The following HPSE variants were observed in gnomAD, a reference collection of about 807,000 sequenced individuals.
HPSE encodes heparanase.
Under a neutral mutation model 65.1 loss-of-function variants are expected in HPSE, and 48 were observed. The observed-to-expected ratio is 0.74, with a 90% CI of 0.58 to 0.94. The LOEUF (loss-of-function observed/expected upper bound fraction) is 0.94, where lower values mean the gene tolerates loss of function less well. HPSE is among the 40% of genes least tolerant of loss of function. HPSE has a pLI of 0.00. For missense variants in HPSE, 644 were observed against 637.5 expected (o/e 1.01, Z -0.11); for synonymous variants, 243 against 260.0 (o/e 0.93, Z 0.63).
At chr4:83,317,237 C>G (rs972101171) in intron 3 of HPSE, among the ~76,000 whole-genome samples, 2 of 152,176 alleles carry the variant, frequency 1.3e-5, no homozygotes, top group African/African-American at 4.8e-5. Context: ...ACTAGCTAAG[C>G]AATGAACATG....
chr4:83,320,534 C>A (rs1736849663), intron 2 of HPSE, among the ~76,000 whole-genome samples: 1 of 151,790 alleles, frequency 6.6e-6, no homozygotes, highest in Non-Finnish European at 1.5e-5. Flanking sequence ...CCATTGCACT[C>A]CAGCCTGGGC....
At chr4:83,324,113 C>CTTTTTTTTTTTTTTTTTTT (rs398051210) in intron 1 of HPSE, among the ~76,000 whole-genome samples, 4 of 74,744 alleles carry the variant, frequency 5.4e-5, no homozygotes, top group Admixed American at 2.0e-4. Flanking sequence ...TCTTCTTCTT[C>CTTTTTTTTTTTTTTTTTTT]TTTTTTTTTT....
chr4:83,334,911 C>A (rs972728273), upstream of HPSE: 11 of 1,384,436 alleles, frequency 7.9e-6, no homozygotes, highest in Non-Finnish European at 1.0e-5. Flanking sequence ...CTCCTCACCC[C>A]TCCCACTGCG....
chr4:83,335,083 G>T, upstream of HPSE: 1 of 342,610 alleles, frequency 2.9e-6, no homozygotes, highest in Non-Finnish European at 5.1e-6. Context: ...GTGCGGAGAT[G>T]GCCGGGATCC....
At chr4:83,323,502 AAAAC>A (rs1467765294) in intron 1 of HPSE, among the ~76,000 whole-genome samples, 1 of 35,678 alleles carries the variant, frequency 2.8e-5, no homozygotes, top group Non-Finnish European at 6.1e-5. Flanking sequence ...AAGTCTATTT[AAAAC>A]ACACACACAC....
intron 1 of HPSE, among the ~76,000 whole-genome samples, chr4:83,322,770 A>G (rs2126195090): frequency 6.7e-6 from 1 of 149,348 alleles, no homozygotes; most frequent in African/African-American, 2.5e-5. Flanking sequence ...TTGTAGCTCT[A>G]ATTCTGGCAA....
chr4:83,319,526 C>A (rs1736796441), intron 2 of HPSE, 57 bp from the exon 3 acceptor site: 1 of 1,562,568 alleles, frequency 6.4e-7, no homozygotes, highest in Non-Finnish European at 8.8e-7. Flanking sequence ...AGACTGAAAT[C>A]GCATATATTT....
chr4:83,314,375 A>G lies in HPSE; in HGVS notation c.500-1088T>C, dbSNP rs181580141. Among the ~76,000 whole-genome samples, 6 of 152,360 alleles carry G rather than the reference A, an allele frequency of 3.9e-5. No homozygotes were observed. In the East Asian group the frequency reaches 1.2e-3, roughly 29 times the overall value. On this transcript the variant is annotated intron_variant, in intron 3 of 11. Coordinates refer to ENST00000311412, the MANE Select transcript of HPSE (RefSeq NM_001098540.3). ...ACCAGGCAGTGCTATTTACAGAGGC[A>G]CTGTAGGATCTTTTAAGTTTGCAAG...
chr4:83,328,380 T>A (rs1339946905), intron 1 of HPSE, among the ~76,000 whole-genome samples: 2 of 152,130 alleles, frequency 1.3e-5, no homozygotes, highest in Non-Finnish European at 2.9e-5. Flanking sequence ...AATTTCTCCT[T>A]GTTATAAGGA....
intron 3 of HPSE, among the ~76,000 whole-genome samples, chr4:83,314,571 C>T (rs1369607069): frequency 6.6e-6 from 1 of 152,188 alleles, no homozygotes; most frequent in African/African-American, 2.4e-5. Context: ...CTTCTGTACT[C>T]TGCTTTTTAA....
intron 9 of HPSE, among the ~76,000 whole-genome samples, chr4:83,302,879 G>A (rs1490751791): frequency 1.3e-5 from 2 of 152,108 alleles, no homozygotes; most frequent in African/African-American, 4.8e-5. Context: ...GGAGGCTGAG[G>A]TGAGAAGATC....
At chr4:83,320,209 C>T (rs1736833463) in intron 2 of HPSE, among the ~76,000 whole-genome samples, 1 of 152,024 alleles carries the variant, frequency 6.6e-6, no homozygotes, top group African/African-American at 2.4e-5. Context: ...GAACCGTTGA[C>T]TTTTTTTCGC....
chr4:83,329,350 T>C (rs1481776199), intron 1 of HPSE, among the ~76,000 whole-genome samples: 1 of 152,148 alleles, frequency 6.6e-6, no homozygotes, highest in Non-Finnish European at 1.5e-5. Flanking sequence ...AGAGAAAATA[T>C]GGTTGGACTA....
chr4:83,294,785 T>G lies in HPSE; in HGVS notation c.*559A>C, dbSNP rs1371568053. The G allele has an allele frequency of 1.3e-5, 2 of 152,254 alleles. No individual in the cohort carries two copies. Among genetic ancestry groups the G allele is most frequent in the Non-Finnish European group, 2.9e-5 (2 of 68,136 alleles). The allele number at this position is 152,254 out of a possible 1,614,324, so 9.4% of individuals were successfully genotyped here. A position where few individuals can be genotyped will look rare whatever the true frequency, so the allele number is the denominator to read the frequency against. On this transcript the variant is annotated 3_prime_UTR_variant, in exon 12 of 12. Transcript: ENST00000311412. ...AAAAATAAAACACTGCTGGGTGTGG[T>G]GGCTCACACCTGTAATCCCAGCACT... is the stretch of plus-strand genomic sequence containing the variant.
chr4:83,313,189 T>A lies in HPSE; in HGVS notation c.598A>T (p.Asn200Tyr). 4 of 1,613,894 alleles carry A rather than the reference T, an allele frequency of 2.5e-6. No homozygotes were observed. The highest frequency in any genetic ancestry group is 3.4e-6 in the Non-Finnish European group (4 of 1,179,810). Residue 200 changes from asparagine (N) to tyrosine (Y), a missense_variant, in exon 4 of 12, where the codon AAC (asparagine) becomes TAC (tyrosine). Coordinates refer to ENST00000311412, the MANE Select transcript of HPSE (RefSeq NM_001098540.3). ...AGGAGCAACTGAGCATTAGAACTGT[T>A]CCACTGCAAATCTGCTGTTCTTAAT... Reference protein sequence around the residue: ...ALLRTADLQWNSSNAQLLLDY... With the variant: ...ALLRTADLQWYSSNAQLLLDY...
At chr4:83,319,845 G>A (rs1736809725) in intron 2 of HPSE, among the ~76,000 whole-genome samples, 1 of 152,006 alleles carries the variant, frequency 6.6e-6, no homozygotes, top group East Asian at 1.9e-4. Flanking sequence ...CGAATCACTT[G>A]AGGTCAGGAG....
intron 9 of HPSE, among the ~76,000 whole-genome samples, chr4:83,305,091 A>G (rs1482841379): frequency 6.6e-6 from 1 of 152,216 alleles, no homozygotes; most frequent in Non-Finnish European, 1.5e-5. Flanking sequence ...TCTACAAGTG[A>G]GAAGGGTACC....
At chr4:83,330,770 T>C (rs1222731153) in intron 1 of HPSE, among the ~76,000 whole-genome samples, 1 of 152,200 alleles carries the variant, frequency 6.6e-6, no homozygotes, top group Admixed American at 6.5e-5. Context: ...TATTTAGGAT[T>C]TCTACCACCG....
intron 8 of HPSE, among the ~76,000 whole-genome samples, chr4:83,308,330 C>T (rs189778680): frequency 5.5e-4 from 83 of 152,210 alleles, no homozygotes; most frequent in Middle Eastern, 3.4e-3. Context: ...CGCTTCAATC[C>T]GGGAGGCAGA....
Sources: gnomAD v4.1 joint callset for allele counts (sites outside exome capture counted in the v4.1 genomes callset) on GRCh38, gnomAD v4.1.1 for gene constraint, MANE v1.5 for transcripts, NCBI Gene and HGNC (gene_info 2026-07-23, HGNC 2026-07-21) for gene names.